The following ASTN1 variants were observed in gnomAD, a reference collection of about 807,000 sequenced individuals.
ASTN1 encodes the protein astrotactin 1.
A neutral mutation model predicts 140.7 loss-of-function variants in ASTN1; 41 were observed. The ratio of observed to expected loss-of-function variants is 0.29; its 90% CI spans 0.23 to 0.38. The LOEUF (loss-of-function observed/expected upper bound fraction) is 0.38. ASTN1 is among the 10% of genes least tolerant of loss of function. ASTN1 has a pLI of 1.00. For synonymous variants in ASTN1, 640 were observed against 652.2 expected, an observed-to-expected ratio of 0.98 and a Z score of 0.29; for missense variants, 1,479 against 1,678.8, an observed-to-expected ratio of 0.88 and a Z score of 2.08.
chr1:177,093,091 T>A (rs952831838), intron 1 of ASTN1, among the ~76,000 whole-genome samples: 1 of 152,220 alleles, frequency 6.6e-6, no homozygotes, highest in African/African-American at 2.4e-5. Context: ...TCACTGTGCA[T>A]GACCAGTACC....
chr1:176,907,420 A>C (rs1670050311), intron 16 of ASTN1, among the ~76,000 whole-genome samples: 1 of 152,204 alleles, frequency 6.6e-6, no homozygotes. Context: ...TCCAGCATCT[A>C]CTCAAATCCC....
chr1:177,062,250 C>CT (rs1386479402), intron 1 of ASTN1, among the ~76,000 whole-genome samples: 2 of 144,286 alleles, frequency 1.4e-5, no homozygotes, highest in East Asian at 4.0e-4. Context: ...TTTTTTTTTT[C>CT]TTTTTTTTAA....
chr1:177,071,119 G>C (rs1345044136), intron 1 of ASTN1, among the ~76,000 whole-genome samples: 2 of 152,178 alleles, frequency 1.3e-5, no homozygotes, highest in Non-Finnish European at 2.9e-5. Flanking sequence ...AGTCGTATTT[G>C]TACATTTCTG....
At chr1:177,073,369 T>A (rs1678736837) in intron 1 of ASTN1, among the ~76,000 whole-genome samples, 1 of 152,032 alleles carries the variant, frequency 6.6e-6, no homozygotes, top group Non-Finnish European at 1.5e-5. Flanking sequence ...ATATAAATCA[T>A]ACCTTCAGGG....
At chr1:177,057,214 A>C (rs1558063724) in intron 2 of ASTN1, among the ~76,000 whole-genome samples, 1 of 148,128 alleles carries the variant, frequency 6.8e-6, no homozygotes, top group East Asian at 1.9e-4. Flanking sequence ...AAATAAGAAA[A>C]GCAAAAGGTT....
intron 14 of ASTN1, among the ~76,000 whole-genome samples, chr1:176,939,661 C>T (rs1461765600): frequency 6.6e-6 from 1 of 151,758 alleles, no homozygotes; most frequent in African/African-American, 2.4e-5. Flanking sequence ...GGACACATTT[C>T]TGCTGAATGA....
In ASTN1 at chr1:177,014,831, T is replaced by C. The variant is rs1675464778; in HGVS notation, c.1483A>G (p.Lys495Glu). The change falls in exon 8 of 23, where the codon AAG becomes GAG. Residue 495 changes from lysine (K) to glutamate (E), a missense_variant. Lys to Glu is a moderately conservative substitution (Grantham distance 56, BLOSUM62 1). This residue lies in a region of ASTN1 where 729 missense variants were observed against 860.4 expected (regional missense o/e 0.85). Coordinates refer to ENST00000361833, the MANE Select transcript of ASTN1 (RefSeq NM_004319.3). The part of the protein sequence containing the change: ...YEGYMKDPVH[K>E]HLCIRNEWGT... The stretch of plus-strand genomic sequence containing the variant: ...CATTCGTTCCGAATGCAAAGGTGCT[T>C]ATGTACTGGATCCTTCATGTAGCCT... 6.2e-7 allele frequency: 1 copy of C among 1,613,910 alleles called. No homozygotes were observed.
chr1:177,105,331 A>G (rs1425314167), intron 1 of ASTN1, among the ~76,000 whole-genome samples: 2 of 152,038 alleles, frequency 1.3e-5, no homozygotes, highest in Admixed American at 6.5e-5. Flanking sequence ...GTTTCTTTTC[A>G]CTCCCCATGG....
At chr1:177,083,187 C>T (rs556955068) in intron 1 of ASTN1, among the ~76,000 whole-genome samples, 1 of 152,018 alleles carries the variant, frequency 6.6e-6, no homozygotes, top group South Asian at 2.1e-4. Context: ...GTTTAGTGAC[C>T]TGGTGACAGC....
chr1:177,113,340 G>C (rs900922222), intron 1 of ASTN1, among the ~76,000 whole-genome samples: 4 of 152,174 alleles, frequency 2.6e-5, no homozygotes, highest in Admixed American at 2.6e-4. Context: ...AGCATATCCA[G>C]GTTGAGCAGC....
chr1:177,163,734 G>A (rs925191248), intron 1 of ASTN1, among the ~76,000 whole-genome samples: 2 of 152,182 alleles, frequency 1.3e-5, no homozygotes, highest in South Asian at 2.1e-4. Context: ...CAACTGTGAC[G>A]TGACATGGAT....
intron 8 of ASTN1, among the ~76,000 whole-genome samples, chr1:177,012,415 T>C (rs898856482): frequency 6.6e-6 from 1 of 152,170 alleles, no homozygotes; most frequent in Non-Finnish European, 1.5e-5. Flanking sequence ...ATCCTCAAGG[T>C]ACTCACTTTT....
At chr1:177,161,545 T>C (rs1486372748) in intron 1 of ASTN1, among the ~76,000 whole-genome samples, 2 of 152,144 alleles carry the variant, frequency 1.3e-5, no homozygotes, top group African/African-American at 4.8e-5. Context: ...TACCACCTAA[T>C]AGAGAAAGGG....
In ASTN1 at chr1:176,863,993, G is replaced by GA. The variant is rs200547682; in HGVS notation, c.*290dup. 7,167 of 1,155,338 alleles carry GA rather than the reference G, an allele frequency of 6.2e-3. 20 individuals are homozygous for GA. The highest frequency in any genetic ancestry group is 7.9e-3 in the Middle Eastern group (21 of 2,646). The allele number at this position is 1,155,338 out of a possible 1,614,324, so 71.6% of individuals were successfully genotyped here. ...TGAGCATTTTGGTAAACTTCTCAGG[G>GA]AAAAAAAAATGAATGGAACAAATTA... On this transcript the variant is annotated 3_prime_UTR_variant, in exon 23 of 23. Coordinates refer to ENST00000361833, the MANE Select transcript of ASTN1 (RefSeq NM_004319.3).
At chr1:176,953,803 G>T (rs1437745243) in intron 11 of ASTN1, among the ~76,000 whole-genome samples, 2 of 152,190 alleles carry the variant, frequency 1.3e-5, no homozygotes, top group African/African-American at 4.8e-5. Flanking sequence ...ACATGAGAAA[G>T]TGGGCACCCG....
chr1:177,109,421 T>TAC (rs750685096), intron 1 of ASTN1, among the ~76,000 whole-genome samples: 15 of 150,654 alleles, frequency 1.0e-4, no homozygotes, highest in East Asian at 3.9e-4. Context: ...AAATCACACT[T>TAC]ACACACACAC....
At chr1:176,926,030 A>G (rs1269141691) in intron 16 of ASTN1, among the ~76,000 whole-genome samples, 1 of 152,064 alleles carries the variant, frequency 6.6e-6, no homozygotes, top group Non-Finnish European at 1.5e-5. Context: ...GATGGTCTCG[A>G]TCTTCTGACC....
chr1:176,970,274 C>T (rs1476798497), intron 8 of ASTN1, among the ~76,000 whole-genome samples: 1 of 152,182 alleles, frequency 6.6e-6, no homozygotes, highest in African/African-American at 2.4e-5. Context: ...ATGCTGATAG[C>T]TTGGGCATTT....
chr1:176,903,823 G>A (rs979955258), intron 16 of ASTN1, among the ~76,000 whole-genome samples: 11 of 152,216 alleles, frequency 7.2e-5, no homozygotes, highest in Non-Finnish European at 1.3e-4. Flanking sequence ...TCAAAATCAA[G>A]GTGTGGTCAG....
Sources: allele counts gnomAD v4.1 joint callset (sites outside exome capture counted in the v4.1 genomes callset), GRCh38; gene constraint gnomAD v4.1.1; regional missense constraint gnomAD v4.1.1; transcripts MANE v1.5; gene names NCBI Gene and HGNC (gene_info 2026-07-23, HGNC 2026-07-21).